The following MACROD2 variants were observed in gnomAD, a reference collection of about 807,000 sequenced individuals.
MACROD2 encodes the protein mono-ADP ribosylhydrolase 2.
MACROD2 carries 36 observed loss-of-function variants against 70.4 expected under a neutral mutation model. That is an observed-to-expected ratio of 0.51 (90% CI 0.39 to 0.68). The LOEUF is 0.68. MACROD2 is among the 30% of genes least tolerant of loss of function. The pLI, the probability that MACROD2 is intolerant of heterozygous loss-of-function variation, is 0.00. For missense variants in MACROD2, 496 were observed against 538.4 expected, an observed-to-expected ratio of 0.92 and a Z score of 0.78; for synonymous variants, 172 against 178.8, an observed-to-expected ratio of 0.96 and a Z score of 0.30.
intron 8 of MACROD2, among the ~76,000 whole-genome samples, chr20:15,515,334 G>A (rs1353408077): frequency 6.6e-6 from 1 of 152,198 alleles, no homozygotes; most frequent in Non-Finnish European, 1.5e-5. Flanking sequence ...CTCCCTGAGA[G>A]CAGGACCCTA....
At chr20:15,587,445 A>G (rs2048618078) in intron 8 of MACROD2, among the ~76,000 whole-genome samples, 1 of 152,120 alleles carries the variant, frequency 6.6e-6, no homozygotes, top group Non-Finnish European at 1.5e-5. Flanking sequence ...AAAACCAATC[A>G]TGCCTTCAAA....
At chr20:14,980,521 GAC>G (rs549324992) in intron 5 of MACROD2, among the ~76,000 whole-genome samples, 23 of 152,248 alleles carry the variant, frequency 1.5e-4, no homozygotes, top group African/African-American at 5.3e-4. Flanking sequence ...AACAGACTAA[GAC>G]ACGCCCTACA....
At chr20:14,553,408 C>CA (rs1978802804) in intron 4 of MACROD2, among the ~76,000 whole-genome samples, 1 of 127,870 alleles carries the variant, frequency 7.8e-6, no homozygotes, top group Non-Finnish European at 1.7e-5. Context: ...TTCTAGTTAA[C>CA]TTTTTTTTTT....
In MACROD2 at chr20:15,817,398, C is replaced by T. The variant is rs78310567; in HGVS notation, c.646-45347C>T. ...TCTTTCTCACAATTGATCAGCCTCC[C>T]TGAATGTGCCCACCAAAAAATTAGT... On this transcript the variant is annotated intron_variant, in intron 8 of 17. Coordinates refer to ENST00000684519, the MANE Select transcript of MACROD2 (RefSeq NM_001351661.2). Among the ~76,000 whole-genome samples the T allele has an allele frequency of 7.4e-3, 1,127 of 152,252 alleles. 12 individuals are homozygous for T. The highest frequency in any genetic ancestry group is 0.025 in the African/African-American group (1,051 of 41,550).
At chr20:14,415,907 T>G (rs551675765) in intron 3 of MACROD2, among the ~76,000 whole-genome samples, 14 of 152,204 alleles carry the variant, frequency 9.2e-5, no homozygotes, top group African/African-American at 3.4e-4. Flanking sequence ...GCTTTTTTCT[T>G]ATTAGAAGTG....
intron 5 of MACROD2, among the ~76,000 whole-genome samples, chr20:14,892,348 G>A (rs1193603256): frequency 6.6e-6 from 1 of 152,018 alleles, no homozygotes; most frequent in Non-Finnish European, 1.5e-5. Context: ...GGTGGTGCAC[G>A]CCTGTAATCC....
At chr20:15,852,433 GA>G (rs897233853) in intron 8 of MACROD2, among the ~76,000 whole-genome samples, 6 of 152,178 alleles carry the variant, frequency 3.9e-5, no homozygotes, top group African/African-American at 1.4e-4. Context: ...AATGTACTTT[GA>G]GAGTTTGTGG....
chr20:15,434,096 GA>G (rs1171829166), intron 7 of MACROD2, among the ~76,000 whole-genome samples: 4 of 151,748 alleles, frequency 2.6e-5, no homozygotes, highest in Non-Finnish European at 5.9e-5. Flanking sequence ...AATTCTGGAA[GA>G]AAACTCTTCT....
chr20:14,326,057 T>C lies in MACROD2; in HGVS notation c.272-167422T>C, dbSNP rs548416390. 4 of 1,613,940 alleles carry C rather than the reference T, an allele frequency of 2.5e-6. No individual in the cohort carries two copies. In the African/African-American group the frequency reaches 5.3e-5, roughly 22 times the overall value. On this transcript the variant is annotated intron_variant, in intron 3 of 17. Coordinates refer to ENST00000684519, the MANE Select transcript of MACROD2 (RefSeq NM_001351661.2). The surrounding 1 kb of genome is among the most constrained non-coding windows in gnomAD (Gnocchi z 5.5). Reference sequence around the variant, plus strand: ...TCATCAAATAGGTAGAGGTTGCTGGTTTCCATGGGAACCATGCATACTTTA... The same window carrying C: ...TCATCAAATAGGTAGAGGTTGCTGGCTTCCATGGGAACCATGCATACTTTA...
At chr20:14,944,082 A>G (rs2074411121) in intron 5 of MACROD2, among the ~76,000 whole-genome samples, 1 of 152,158 alleles carries the variant, frequency 6.6e-6, no homozygotes, top group Non-Finnish European at 1.5e-5. Context: ...CAGTTTTATC[A>G]TTCCCCAAAA....
intron 8 of MACROD2, among the ~76,000 whole-genome samples, chr20:15,658,226 T>TC (rs1491230443): frequency 3.0e-3 from 218 of 72,342 alleles, no homozygotes; most frequent in African/African-American, 0.02. Context: ...TCTCTCTCTC[T>TC]TTTTTTTTTT....
At chr20:15,750,041 G>A (rs181976549) in intron 8 of MACROD2, among the ~76,000 whole-genome samples, 1 of 152,052 alleles carries the variant, frequency 6.6e-6, no homozygotes, top group African/African-American at 2.4e-5. Flanking sequence ...CACAGCAAAG[G>A]AAAAACAGAG....
chr20:14,743,332 G>A (rs1600614650), intron 5 of MACROD2, among the ~76,000 whole-genome samples: 1 of 152,056 alleles, frequency 6.6e-6, no homozygotes, highest in South Asian at 2.1e-4. Context: ...AGGACCTTAA[G>A]ATGAGGAGAT....
Position 14,587,523 on chromosome 20 carries a change from T to A in MACROD2, c.301+94015T>A, listed in dbSNP as rs559890118. Among the ~76,000 whole-genome samples the A allele has an allele frequency of 1.2e-4, 18 of 151,926 alleles. No individual in the cohort carries two copies. The South Asian group carries it at 3.3e-3, about 28-fold the overall frequency. On this transcript the variant is annotated intron_variant, in intron 4 of 17. Coordinates refer to ENST00000684519, the MANE Select transcript of MACROD2 (RefSeq NM_001351661.2). ...ACATTTCGTCATTAAAAAGGTTTAA[T>A]CTTTTTAAGTTCCAGGGAGAAATCT...
At chr20:14,585,217 G>A (rs555443279) in intron 4 of MACROD2, among the ~76,000 whole-genome samples, 60 of 152,310 alleles carry the variant, frequency 3.9e-4, no homozygotes, top group Middle Eastern at 6.8e-3. Context: ...AGGGGATCTA[G>A]CAAGTTTGTC....
At chr20:14,398,002 G>C (rs2083598618) in intron 3 of MACROD2, among the ~76,000 whole-genome samples, 1 of 152,038 alleles carries the variant, frequency 6.6e-6, no homozygotes, top group African/African-American at 2.4e-5. Flanking sequence ...TTCTGTGCCT[G>C]AGTTATTTCA....
rs527746087 is a variant in MACROD2, at chr20:15,113,666, T to C, written c.419-116274T>C. 3.3e-5 allele frequency among the ~76,000 whole-genome samples: 5 copies of C among 152,248 alleles called. No homozygotes were observed. In the East Asian group the frequency reaches 7.7e-4, roughly 24 times the overall value. On this transcript the variant is annotated intron_variant, in intron 5 of 17. Coordinates refer to ENST00000684519, the MANE Select transcript of MACROD2 (RefSeq NM_001351661.2). ...GCCTCCAACACAAAGTGTCATTTGTTCATCACTTTGTGGGTTTTGCCTGTT... is the reference window on the plus strand; with the variant it reads ...GCCTCCAACACAAAGTGTCATTTGTCCATCACTTTGTGGGTTTTGCCTGTT...
chr20:15,242,784 G>A (rs1197195940), intron 6 of MACROD2, among the ~76,000 whole-genome samples: 1 of 152,120 alleles, frequency 6.6e-6, no homozygotes, highest in African/African-American at 2.4e-5. Context: ...TTTGCTTACA[G>A]GTTTTATTAT....
chr20:15,262,477 T>C (rs183627035), intron 6 of MACROD2, among the ~76,000 whole-genome samples: 186 of 152,262 alleles, frequency 1.2e-3, no homozygotes, highest in African/African-American at 4.1e-3. Flanking sequence ...CTTCCACATC[T>C]TGGCTATTGT....
Sources: gnomAD v4.1 joint callset for allele counts (sites outside exome capture counted in the v4.1 genomes callset) on GRCh38, gnomAD v4.1.1 for gene constraint, Gnocchi (gnomAD v3.1) non-coding constraint, MANE v1.5 for transcripts, NCBI Gene and HGNC (gene_info 2026-07-23, HGNC 2026-07-21) for gene names.